SLC22A15: variants seen among roughly 807,000 people sequenced by gnomAD.
The protein encoded by SLC22A15 is solute carrier family 22 member 15, also known as flipt 1.
Under a neutral mutation model 62.7 loss-of-function variants are expected in SLC22A15, and 45 were observed. The ratio of observed to expected loss-of-function variants is 0.72; its 90% CI spans 0.56 to 0.92. SLC22A15 has a LOEUF of 0.92. Among genes scored for constraint, SLC22A15 ranks in the 40% least tolerant of loss-of-function variants. SLC22A15 has a pLI of 0.00. For missense variants in SLC22A15, 622 were observed against 665.6 expected (o/e 0.93, Z 0.72); for synonymous variants, 264 against 267.0 (o/e 0.99, Z 0.11).
intron 8 of SLC22A15, among the ~76,000 whole-genome samples, chr1:116,047,484 C>T (rs1488108819): frequency 6.6e-6 from 1 of 152,190 alleles, no homozygotes; most frequent in East Asian, 1.9e-4. Flanking sequence ...CCATTGCACC[C>T]TCCTGGCACC....
chr1:116,031,941 A>G, intron 6 of SLC22A15: 1 of 1,080,542 alleles, frequency 9.3e-7, no homozygotes, highest in Non-Finnish European at 1.1e-6. Flanking sequence ...GAGTTTTTAA[A>G]TAGGACTTTA....
chr1:116,012,974 T>C (rs764299707), intron 2 of SLC22A15, among the ~76,000 whole-genome samples: 4 of 152,194 alleles, frequency 2.6e-5, no homozygotes, highest in Non-Finnish European at 4.4e-5. Flanking sequence ...CTCTCCTGTA[T>C]TCAGTAAATT....
intron 7 of SLC22A15, 59 bp from the exon 8 acceptor site, chr1:116,037,244 G>A: frequency 7.1e-7 from 1 of 1,400,912 alleles, no homozygotes; most frequent in Non-Finnish European, 1.0e-6. Flanking sequence ...AGGTTGGGAA[G>A]AAACAGATGA....
chr1:116,033,555 CTCTG>C (rs1470064626), intron 6 of SLC22A15, among the ~76,000 whole-genome samples: 19 of 95,178 alleles, frequency 2.0e-4, no homozygotes, highest in Non-Finnish European at 4.1e-4. Context: ...ATAGGGGTGT[CTCTG>C]TGTGTGTGTG....
At chr1:116,037,771 G>C (rs944917059) in intron 8 of SLC22A15, among the ~76,000 whole-genome samples, 1 of 152,162 alleles carries the variant, frequency 6.6e-6, no homozygotes, top group Non-Finnish European at 1.5e-5. Flanking sequence ...CAGAGCCACT[G>C]GTTCTCAAAG....
rs146210337 is a variant in SLC22A15 at position 116,026,958 on chromosome 1, C to T, written c.664C>T (p.Arg222Cys). 131 of 1,613,678 alleles carry T rather than the reference C, an allele frequency of 8.1e-5. No individual in the cohort carries two copies. The highest frequency in any genetic ancestry group is 1.8e-4 in the South Asian group (16 of 91,078). The change falls in exon 5 of 12, where the codon CGC becomes TGC. Residue 222 changes from arginine (R) to cysteine (C), a missense_variant. Arg to Cys is a radical substitution (Grantham distance 180). Transcript: ENST00000369503. ...ATATGCCCTGTTAGGATACTTCATC[C>T]GCTCCTGGAGGACCCTAGCCATTCT... is the stretch of plus-strand genomic sequence containing the variant. ...AQYALLGYFI[R>C]SWRTLAILVN...
intron 8 of SLC22A15, 183 bp downstream of exon 8, chr1:116,037,571 G>A: frequency 3.7e-6 from 2 of 547,178 alleles, no homozygotes; most frequent in Non-Finnish European, 6.6e-6. Flanking sequence ...GGTGAATAAT[G>A]TGTGTAGAGG....
chr1:116,068,480 T>C lies in SLC22A15; in HGVS notation c.*1372T>C, dbSNP rs1658547441. The C allele has an allele frequency of 6.6e-6, 1 of 152,380 alleles. No individual in the cohort carries two copies. Among genetic ancestry groups the C allele is most frequent in the South Asian group, 2.1e-4 (1 of 4,826 alleles). The allele number at this position is 152,380 out of a possible 1,614,324, so 9.4% of individuals were successfully genotyped here. ...TGGCTCCAAATACTGTCATGTTTTC[T>C]TGCACACTGACTTCTGGTTTCCACT... is the stretch of plus-strand genomic sequence containing the variant. On this transcript the variant is annotated 3_prime_UTR_variant, in exon 12 of 12. Coordinates refer to ENST00000369503, the MANE Select transcript of SLC22A15 (RefSeq NM_018420.3).
At chr1:115,976,947 C>T (rs1228580977) in intron 1 of SLC22A15, among the ~76,000 whole-genome samples, 2 of 152,238 alleles carry the variant, frequency 1.3e-5, no homozygotes, top group Admixed American at 6.5e-5. Flanking sequence ...CTGCTGGGCC[C>T]TCCACCCCGC....
chr1:115,996,547 A>G (rs1201722062), intron 2 of SLC22A15, among the ~76,000 whole-genome samples: 2 of 148,980 alleles, frequency 1.3e-5, no homozygotes, highest in Non-Finnish European at 3.0e-5. Flanking sequence ...TAGGTTTTAG[A>G]TTCATTCATT....
At chr1:115,982,915 T>A (rs1458191339) in intron 1 of SLC22A15, among the ~76,000 whole-genome samples, 2 of 152,234 alleles carry the variant, frequency 1.3e-5, no homozygotes, top group Non-Finnish European at 2.9e-5. Context: ...TCTTTTCACT[T>A]TTGTTTTTGA....
intron 6 of SLC22A15, among the ~76,000 whole-genome samples, chr1:116,033,576 T>TGA (rs1300037364): frequency 7.7e-6 from 1 of 130,456 alleles, no homozygotes; most frequent in African/African-American, 2.8e-5. Context: ...TGTGTGTGTG[T>TGA]GTGTGTGTGT....
chr1:116,040,551 T>G (rs1460850850), intron 8 of SLC22A15, among the ~76,000 whole-genome samples: 5 of 152,230 alleles, frequency 3.3e-5, no homozygotes, highest in Admixed American at 6.5e-5. Flanking sequence ...GGGATTCAGA[T>G]TCTTTCCAAC....
In SLC22A15 at chr1:116,019,710, C is replaced by T. The variant is rs377603868; in HGVS notation, c.429C>T (p.Leu143=). ...GCTTCGGAAGGAAAAAAGTCTATCT[C>T]ACAGGTAATCTATTAGAGTATTCAT... ...SDRFGRKKVY[L]TGFALDILFA... Residue 143 remains leucine, a synonymous_variant, in exon 3 of 12, where the codon CTC becomes CTT. Transcript: ENST00000369503. 5.6e-6 allele frequency: 9 copies of T among 1,610,928 alleles called. No homozygotes were observed. The highest frequency in any genetic ancestry group is 1.6e-4 in the Middle Eastern group (1 of 6,068).
chr1:116,038,239 G>C (rs1166712353), intron 8 of SLC22A15, among the ~76,000 whole-genome samples: 1 of 152,170 alleles, frequency 6.6e-6, no homozygotes, highest in Non-Finnish European at 1.5e-5. Flanking sequence ...CACTCCAGTA[G>C]GCAATCATTG....
At chr1:115,999,077 A>G (rs778606393) in intron 2 of SLC22A15, among the ~76,000 whole-genome samples, 33 of 152,072 alleles carry the variant, frequency 2.2e-4, no homozygotes, top group Non-Finnish European at 4.3e-4. Context: ...TTGTGTTTGT[A>G]TCGTTTTCAA....
In SLC22A15 at chr1:115,992,089, A is replaced by T. The variant is rs564324681; in HGVS notation, c.146A>T (p.His49Leu). ...IALVGATPSY[H>L]WDLAELLPNQ... ...CTGGTTGGGGCCACGCCATCCTACCACTGGGACCTGGCAGAGCTCCTGCCA... is the reference window on the plus strand; with the variant it reads ...CTGGTTGGGGCCACGCCATCCTACCTCTGGGACCTGGCAGAGCTCCTGCCA... The change falls in exon 2 of 12, where the codon CAC becomes CTC. Residue 49 changes from histidine (H) to leucine (L), a missense_variant. By Grantham distance (99) the His-to-Leu change is moderately conservative (BLOSUM62 -3). Transcript: ENST00000369503. The T allele has an allele frequency of 1.2e-6, 2 of 1,613,840 alleles. No individual in the cohort carries two copies. Among genetic ancestry groups the T allele is most frequent in the Non-Finnish European group, 1.7e-6 (2 of 1,179,874 alleles).
intron 8 of SLC22A15, among the ~76,000 whole-genome samples, chr1:116,040,215 T>C (rs1042371289): frequency 1.3e-5 from 2 of 152,226 alleles, no homozygotes; most frequent in African/African-American, 4.8e-5. Flanking sequence ...TGGTTTATAA[T>C]TGTTAGACAG....
At chr1:116,065,995 T>C (rs980015983) in intron 10 of SLC22A15, among the ~76,000 whole-genome samples, 1 of 152,226 alleles carries the variant, frequency 6.6e-6, no homozygotes, top group African/African-American at 2.4e-5. Flanking sequence ...CATATGTATG[T>C]CGTAGGGTTG....
Sources: gnomAD v4.1 joint callset for allele counts (sites outside exome capture counted in the v4.1 genomes callset) on GRCh38, gnomAD v4.1.1 for gene constraint, MANE v1.5 for transcripts, NCBI Gene and HGNC (gene_info 2026-07-23, HGNC 2026-07-21) for gene names.